GABRG3: variants seen among roughly 807,000 people sequenced by gnomAD.
GABRG3 encodes gamma-aminobutyric acid type A receptor subunit gamma3.
Under a neutral mutation model 48.8 loss-of-function variants are expected in GABRG3, and 25 were observed. The ratio of observed to expected loss-of-function variants is 0.51; its 90% CI spans 0.37 to 0.72. The LOEUF (loss-of-function observed/expected upper bound fraction) is 0.72, where lower values mean the gene tolerates loss of function less well. GABRG3 is among the 30% of genes least tolerant of loss of function. The pLI, the probability that GABRG3 is intolerant of heterozygous loss-of-function variation, is 0.00. For missense variants in GABRG3, 394 were observed against 577.9 expected (o/e 0.68, Z 3.26); for synonymous variants, 227 against 217.6 (o/e 1.04, Z -0.38).
intron 5 of GABRG3, among the ~76,000 whole-genome samples, chr15:27,349,894 CT>C (rs1595695326): frequency 6.7e-6 from 1 of 150,328 alleles, no homozygotes; most frequent in Non-Finnish European, 1.5e-5. Context: ...CCATGTTTAT[CT>C]TTTTGTCATA....
chr15:27,100,077 G>T (rs1435570895), intron 3 of GABRG3, among the ~76,000 whole-genome samples: 1 of 151,964 alleles, frequency 6.6e-6, no homozygotes, highest in African/African-American at 2.4e-5. Flanking sequence ...AATTAGCTGG[G>T]TGTGGTGGTG....
intron 3 of GABRG3, among the ~76,000 whole-genome samples, chr15:27,141,456 T>C (rs1012110253): frequency 2.0e-5 from 3 of 152,150 alleles, no homozygotes; most frequent in Admixed American, 6.5e-5. Context: ...CATCAAAAGA[T>C]TGGATTTAGG....
intron 3 of GABRG3, among the ~76,000 whole-genome samples, chr15:27,220,883 A>T (rs1889431059): frequency 6.6e-6 from 1 of 152,094 alleles, no homozygotes; most frequent in Non-Finnish European, 1.5e-5. Context: ...CATCATCTTC[A>T]TTAGCTGTAA....
chr15:27,000,439 T>A (rs1895422918), intron 2 of GABRG3, among the ~76,000 whole-genome samples: 1 of 152,204 alleles, frequency 6.6e-6, no homozygotes, highest in South Asian at 2.1e-4. Context: ...AAAGCTGGTA[T>A]GCCTTGGTTC....
intron 3 of GABRG3, among the ~76,000 whole-genome samples, chr15:27,149,873 C>G (rs1298973757): frequency 6.6e-6 from 1 of 152,148 alleles, no homozygotes; most frequent in Non-Finnish European, 1.5e-5. Flanking sequence ...ACCTGAGAAG[C>G]TAGCCATAAA....
intron 3 of GABRG3, among the ~76,000 whole-genome samples, chr15:27,239,906 A>G (rs565337860): frequency 4.8e-4 from 73 of 152,186 alleles, no homozygotes; most frequent in Admixed American, 1.2e-3. Flanking sequence ...GTACTAATTT[A>G]TATGCTTGGA....
intron 3 of GABRG3, among the ~76,000 whole-genome samples, chr15:27,274,003 C>T (rs571040460): frequency 7.9e-5 from 12 of 152,264 alleles, no homozygotes; most frequent in South Asian, 4.2e-4. Flanking sequence ...CCCAAGCTTG[C>T]GCATGTGGTT....
In GABRG3 at chr15:26,993,035, A is replaced by G. The variant is rs187208246; in HGVS notation, c.202+15885A>G. On this transcript the variant is annotated intron_variant, in intron 2 of 9. Coordinates refer to ENST00000615808, the MANE Select transcript of GABRG3 (RefSeq NM_033223.5). ...ATAGCAGCCACTAATGATCCTTTAA[A>G]TTTCTGCTGTATCAGTTGTAATGTC... Among the ~76,000 whole-genome samples, 221 of 152,104 alleles carry G rather than the reference A, an allele frequency of 1.5e-3. 1 individual carries two copies. The highest frequency in any genetic ancestry group is 1.6e-4 in the Non-Finnish European group (11 of 67,934).
rs141948978 is a variant in GABRG3, at chr15:27,196,636, A to G, written c.271-130173A>G. ...TAATTTAATAATAATTCCTACTTGG[A>G]TCCTCTGTGGCAGGCACTGTGTTAT... On this transcript the variant is annotated intron_variant, in intron 3 of 9. Coordinates refer to ENST00000615808, the MANE Select transcript of GABRG3 (RefSeq NM_033223.5). Among the ~76,000 whole-genome samples, 223 of 152,340 alleles carry G rather than the reference A, an allele frequency of 1.5e-3. 1 individual carries two copies. Among genetic ancestry groups the G allele is most frequent in the African/African-American group, 5.1e-3 (214 of 41,578 alleles).
intron 2 of GABRG3, among the ~76,000 whole-genome samples, chr15:27,012,584 AG>A (rs1356953478): frequency 6.6e-6 from 1 of 152,082 alleles, no homozygotes; most frequent in African/African-American, 2.4e-5. Context: ...TGCTTTTTCA[AG>A]GCTGTATTAA....
intron 6 of GABRG3, among the ~76,000 whole-genome samples, chr15:27,488,830 G>A (rs1379521033): frequency 6.6e-6 from 1 of 152,122 alleles, no homozygotes; most frequent in Non-Finnish European, 1.5e-5. Flanking sequence ...CTTCACTCCT[G>A]TTTATATTAA....
chr15:27,200,240 G>A (rs993709156), intron 3 of GABRG3, among the ~76,000 whole-genome samples: 2 of 152,200 alleles, frequency 1.3e-5, no homozygotes, highest in Non-Finnish European at 2.9e-5. Flanking sequence ...CTGTTGACCT[G>A]TTAACTTTAA....
At chr15:27,516,703 G>T (rs1193620213) in intron 6 of GABRG3, among the ~76,000 whole-genome samples, 1 of 152,252 alleles carries the variant, frequency 6.6e-6, no homozygotes, top group South Asian at 2.1e-4. Flanking sequence ...TCTCTCTCTG[G>T]TGGTGGGAAC....
chr15:27,308,723 T>C (rs1436336578), intron 3 of GABRG3, among the ~76,000 whole-genome samples: 4 of 149,318 alleles, frequency 2.7e-5, no homozygotes, highest in Admixed American at 6.7e-5. Context: ...TATGTAAACA[T>C]AATGTAAACA....
chr15:27,420,754 G>C (rs941247727), intron 5 of GABRG3: 2 of 152,094 alleles, frequency 1.3e-5, no homozygotes, highest in Admixed American at 1.3e-4. Flanking sequence ...GGTGCAGGCA[G>C]GATACTTTGA....
At chr15:27,522,107 G>A (rs940423700) in intron 7 of GABRG3, among the ~76,000 whole-genome samples, 5 of 151,946 alleles carry the variant, frequency 3.3e-5, no homozygotes, top group African/African-American at 1.2e-4. Flanking sequence ...GAGAATACTT[G>A]AAAGTAGATA....
At chr15:27,012,093 G>A (rs981846102) in intron 2 of GABRG3, among the ~76,000 whole-genome samples, 8 of 152,152 alleles carry the variant, frequency 5.3e-5, no homozygotes, top group Middle Eastern at 3.4e-3. Context: ...TTTGAATACT[G>A]CAGATCAGAT....
intron 3 of GABRG3, among the ~76,000 whole-genome samples, chr15:27,055,949 A>G (rs539109224): frequency 2.0e-5 from 3 of 152,346 alleles, no homozygotes; most frequent in African/African-American, 7.2e-5. Context: ...TTGATGAGGT[A>G]CAATGTGACA....
chr15:27,292,639 G>T (rs28705938), intron 3 of GABRG3, among the ~76,000 whole-genome samples: 1 of 151,942 alleles, frequency 6.6e-6, no homozygotes, highest in Non-Finnish European at 1.5e-5. Context: ...AGTATAATGG[G>T]CATCTTTCTC....
Sources: allele counts gnomAD v4.1 joint callset (sites outside exome capture counted in the v4.1 genomes callset), GRCh38; gene constraint gnomAD v4.1.1; transcripts MANE v1.5; gene names NCBI Gene and HGNC (gene_info 2026-07-23, HGNC 2026-07-21).